THSD7B: variants seen among roughly 807,000 people sequenced by gnomAD.
THSD7B encodes the protein thrombospondin type-1 domain-containing protein 7B.
A neutral mutation model predicts 213.6 loss-of-function variants in THSD7B; 138 were observed. That is an observed-to-expected ratio of 0.65 (90% CI 0.56 to 0.74). The LOEUF (loss-of-function observed/expected upper bound fraction) is 0.74, where lower values mean the gene tolerates loss of function less well. THSD7B is among the 30% of genes least tolerant of loss of function. THSD7B has a pLI of 0.00. For missense variants in THSD7B, 1,931 were observed against 1,991.5 expected (o/e 0.97, Z 0.58); for synonymous variants, 742 against 687.0 (o/e 1.08, Z -1.25).
In THSD7B at chr2:137,213,358, T is replaced by G. The variant is rs190798274; in HGVS notation, c.1724-17686T>G. Among the ~76,000 whole-genome samples the G allele has an allele frequency of 2.2e-3, 245 of 111,864 alleles. 1 individual carries two copies. The highest frequency in any genetic ancestry group is 8.7e-3 in the African/African-American group (238 of 27,320). The allele number at this position is 111,864 out of a possible 152,430, so 73.4% of individuals were successfully genotyped here. On this transcript the variant is annotated intron_variant, in intron 7 of 27. Coordinates refer to ENST00000409968, the MANE Select transcript of THSD7B (RefSeq NM_001316349.2). ...ATATCTAATATAATGTTATATATAT[T>G]TATAATATATAATAGTATATATGTT...
At chr2:137,476,712 G>A (rs1181231065) in intron 15 of THSD7B, among the ~76,000 whole-genome samples, 3 of 152,048 alleles carry the variant, frequency 2.0e-5, no homozygotes, top group East Asian at 1.9e-4. Context: ...GCTAATTTTT[G>A]TATTTTTAGT....
At chr2:137,119,649 T>C (rs4954468) in intron 5 of THSD7B, among the ~76,000 whole-genome samples, 1 of 151,974 alleles carries the variant, frequency 6.6e-6, no homozygotes, top group African/African-American at 2.4e-5. Context: ...AGGCCTTCTA[T>C]GCTATTCTGG....
chr2:137,428,016 A>G (rs555634904), intron 14 of THSD7B, among the ~76,000 whole-genome samples: 2 of 152,204 alleles, frequency 1.3e-5, no homozygotes, highest in Non-Finnish European at 2.9e-5. Flanking sequence ...TATAAGGACA[A>G]CATACAGGAT....
At chr2:137,262,725 G>A (rs1004382102) in intron 10 of THSD7B, among the ~76,000 whole-genome samples, 3 of 152,076 alleles carry the variant, frequency 2.0e-5, no homozygotes, top group African/African-American at 4.8e-5. Flanking sequence ...TTTACTTATT[G>A]GATGCATAAG....
intron 17 of THSD7B, among the ~76,000 whole-genome samples, chr2:137,607,913 A>C (rs1682214056): frequency 6.6e-6 from 1 of 152,162 alleles, no homozygotes; most frequent in Non-Finnish European, 1.5e-5. Flanking sequence ...TCACCCAAAT[A>C]ACTTAGCTAA....
intron 2 of THSD7B, among the ~76,000 whole-genome samples, chr2:137,023,416 C>T (rs886093504): frequency 6.6e-6 from 1 of 152,062 alleles, no homozygotes; most frequent in Non-Finnish European, 1.5e-5. Context: ...TAGCGGATAA[C>T]CTGTATTAGG....
chr2:137,510,416 T>TTA (rs111764468), intron 15 of THSD7B, among the ~76,000 whole-genome samples: 5,760 of 152,218 alleles, frequency 0.038, 179 homozygotes, highest in Admixed American at 0.083. Flanking sequence ...GTCATGTATA[T>TTA]TATATCTGTG....
intron 15 of THSD7B, among the ~76,000 whole-genome samples, chr2:137,554,036 T>C (rs1680902563): frequency 6.6e-6 from 1 of 152,136 alleles, no homozygotes; most frequent in Admixed American, 6.6e-5. Flanking sequence ...CTTTTTTTTT[T>C]TTTTTCAGCA....
intron 1 of THSD7B, among the ~76,000 whole-genome samples, chr2:136,800,128 G>T (rs919515747): frequency 2.6e-5 from 4 of 151,800 alleles, no homozygotes; most frequent in Non-Finnish European, 5.9e-5. Flanking sequence ...ACGCTAATTG[G>T]TTAGTATCTG....
intron 14 of THSD7B, among the ~76,000 whole-genome samples, chr2:137,440,390 G>A (rs1261934330): frequency 6.6e-6 from 1 of 151,768 alleles, no homozygotes; most frequent in African/African-American, 2.4e-5. Flanking sequence ...CATGTGATGA[G>A]TAGGGTGAGC....
intron 3 of THSD7B, among the ~76,000 whole-genome samples, chr2:137,058,172 T>G (rs1441400182): frequency 1.3e-5 from 2 of 152,058 alleles, no homozygotes; most frequent in African/African-American, 4.8e-5. Flanking sequence ...TGATGATTGT[T>G]TTTTTTTCCA....
At chr2:137,494,815 C>T (rs1001193716) in intron 15 of THSD7B, among the ~76,000 whole-genome samples, 25 of 152,322 alleles carry the variant, frequency 1.6e-4, no homozygotes, top group African/African-American at 5.8e-4. Flanking sequence ...TCTAGAATTA[C>T]ATGCAAACAT....
intron 15 of THSD7B, among the ~76,000 whole-genome samples, chr2:137,488,210 A>G (rs4954517): frequency 0.69 from 104,354 of 151,930 alleles, 37,481 homozygotes; most frequent in Non-Finnish European, 0.8. Context: ...AGTTTTTATA[A>G]TATGTCAGAA....
At chr2:137,581,449 G>A (rs527390385) in intron 17 of THSD7B, among the ~76,000 whole-genome samples, 13 of 151,994 alleles carry the variant, frequency 8.6e-5, no homozygotes, top group Admixed American at 2.0e-4. Context: ...TTAGCCCAGC[G>A]TGGTGGCACA....
At position 137,563,086 on chromosome 2, in the gene THSD7B, T is replaced by C. The variant is rs1008819961; in HGVS notation, c.3139-135T>C. 4.4e-6 allele frequency: 4 copies of C among 908,184 alleles called. No homozygotes were observed. In the African/African-American group the frequency reaches 6.8e-5, roughly 15 times the overall value. The allele number at this position is 908,184 out of a possible 1,614,324, so 56.3% of individuals were successfully genotyped here. On this transcript the variant is annotated intron_variant, in intron 15 of 27. Coordinates refer to ENST00000409968, the MANE Select transcript of THSD7B (RefSeq NM_001316349.2). ...AGAAGCCAAATCTATCTTGCTTTTT[T>C]GGGAAAGTAATTTGGCTGTTTGGGC...
chr2:136,818,471 G>A (rs1390871565), intron 1 of THSD7B, among the ~76,000 whole-genome samples: 1 of 151,220 alleles, frequency 6.6e-6, no homozygotes, highest in East Asian at 2.0e-4. Flanking sequence ...TGGGTGCAGT[G>A]CACCAGCATG....
rs188407398 is a variant in THSD7B at position 136,922,341 on chromosome 2, A to T, written c.139+40024A>T. ...TGATTCCAATGGGAACATGTCCTGCATATCCTTCCCTTGATCAATTTCTCT... is the reference window on the plus strand; with the variant it reads ...TGATTCCAATGGGAACATGTCCTGCTTATCCTTCCCTTGATCAATTTCTCT... On this transcript the variant is annotated intron_variant, in intron 2 of 27. Coordinates refer to ENST00000409968, the MANE Select transcript of THSD7B (RefSeq NM_001316349.2). 6.9e-4 allele frequency among the ~76,000 whole-genome samples: 105 copies of T among 152,324 alleles called. 1 individual carries two copies. Among genetic ancestry groups the T allele is most frequent in the Admixed American group, 1.1e-3 (17 of 15,300 alleles).
At chr2:137,490,411 G>A (rs1230338966) in intron 15 of THSD7B, among the ~76,000 whole-genome samples, 1 of 152,172 alleles carries the variant, frequency 6.6e-6, no homozygotes, top group Middle Eastern at 3.2e-3. Context: ...TTCATAGGGT[G>A]CAGCTGGAGC....
At chr2:137,467,158 T>C (rs1223522604) in intron 15 of THSD7B, among the ~76,000 whole-genome samples, 1 of 152,132 alleles carries the variant, frequency 6.6e-6, no homozygotes, top group African/African-American at 2.4e-5. Context: ...GTTTCCAACC[T>C]TTTATTTCTT....
Sources: gnomAD v4.1 joint callset for allele counts (sites outside exome capture counted in the v4.1 genomes callset) on GRCh38, gnomAD v4.1.1 for gene constraint, MANE v1.5 for transcripts, NCBI Gene and HGNC (gene_info 2026-07-23, HGNC 2026-07-21) for gene names.